The following MALRD1 variants were observed in gnomAD, a reference collection of about 807,000 sequenced individuals.
The protein encoded by MALRD1 is MAM and LDL receptor class A domain containing 1.
MALRD1 carries 247 observed loss-of-function variants against 242.1 expected under a neutral mutation model. That is an observed-to-expected ratio of 1.02 (90% CI 0.92 to 1.13). The LOEUF is 1.13. MALRD1 is among the 50% of genes most tolerant of loss of function. The probability of loss-of-function intolerance (pLI) is 0.00; values close to 1 mark genes in which losing one functional copy is unlikely to be tolerated. For synonymous variants in MALRD1, 995 were observed against 866.6 expected (o/e 1.15, Z -2.60); for missense variants, 2,989 against 2,533.1 (o/e 1.18, Z -3.86).
chr10:19,472,010 AG>A (rs1199544073), intron 29 of MALRD1, among the ~76,000 whole-genome samples: 1 of 151,972 alleles, frequency 6.6e-6, no homozygotes, highest in Non-Finnish European at 1.5e-5. Context: ...CTGATCTTAG[AG>A]GAAAAACATT....
intron 5 of MALRD1, among the ~76,000 whole-genome samples, chr10:19,106,788 A>G (rs762250272): frequency 2.0e-5 from 3 of 151,702 alleles, no homozygotes; most frequent in Non-Finnish European, 4.4e-5. Context: ...CCTCTCTTAG[A>G]ATTGGTTTTG....
intron 28 of MALRD1, among the ~76,000 whole-genome samples, chr10:19,410,603 G>A (rs1833236267): frequency 6.6e-6 from 1 of 151,618 alleles, no homozygotes. Context: ...AGTAGAGGTA[G>A]ACAGAAGCTA....
chr10:19,387,425 T>G (rs1564294921), intron 26 of MALRD1, 103 bp from the exon 27 acceptor site: 2 of 1,355,014 alleles, frequency 1.5e-6, no homozygotes, highest in Admixed American at 5.4e-5. Context: ...AAGAACAATA[T>G]GTTCCTTTAT....
At chr10:19,133,793 A>T in intron 8 of MALRD1, 63 bp from the exon 9 acceptor site, 1 of 644,434 alleles carries the variant, frequency 1.6e-6, no homozygotes. Flanking sequence ...TTAAAAGAGC[A>T]TGTATGTAAA....
chr10:19,417,647 G>A (rs1833561708), intron 28 of MALRD1, among the ~76,000 whole-genome samples: 1 of 152,140 alleles, frequency 6.6e-6, no homozygotes, highest in Non-Finnish European at 1.5e-5. Flanking sequence ...TATATCTTAA[G>A]TCAGCGTATG....
At chr10:19,444,202 C>T (rs1203063402) in intron 28 of MALRD1, among the ~76,000 whole-genome samples, 1 of 152,032 alleles carries the variant, frequency 6.6e-6, no homozygotes, top group Admixed American at 6.6e-5. Context: ...CTATGTGTGT[C>T]TCTGCACATA....
chr10:19,503,138 C>T (rs530264603), intron 31 of MALRD1, among the ~76,000 whole-genome samples: 2 of 152,182 alleles, frequency 1.3e-5, no homozygotes, highest in Non-Finnish European at 2.9e-5. Context: ...ACAGAGTGCT[C>T]TCTTCAAAGC....
chr10:19,615,757 CT>C, intron 35 of MALRD1, 99 bp from the exon 36 acceptor site: 1 of 979,604 alleles, frequency 1.0e-6, no homozygotes, highest in East Asian at 2.7e-5. Context: ...GGAATTTACT[CT>C]TAGAGATTAG....
At chr10:19,271,613 A>G (rs1379309111) in intron 19 of MALRD1, among the ~76,000 whole-genome samples, 2 of 152,076 alleles carry the variant, frequency 1.3e-5, no homozygotes, top group African/African-American at 4.8e-5. Context: ...AACACAAAAA[A>G]CTAGCCAGGT....
intron 38 of MALRD1, among the ~76,000 whole-genome samples, chr10:19,721,384 C>G (rs1330075535): frequency 6.6e-6 from 1 of 152,060 alleles, no homozygotes; most frequent in Non-Finnish European, 1.5e-5. Context: ...TGTGGGACAA[C>G]TCAGATTCAC....
chr10:19,489,936 A>C (rs1837408219), intron 29 of MALRD1, among the ~76,000 whole-genome samples: 1 of 152,160 alleles, frequency 6.6e-6, no homozygotes, highest in Admixed American at 6.5e-5. Flanking sequence ...GTGCTGTGAA[A>C]GGTCAAAAAT....
intron 36 of MALRD1, among the ~76,000 whole-genome samples, chr10:19,642,722 G>A (rs916594747): frequency 6.6e-6 from 1 of 152,182 alleles, no homozygotes; most frequent in African/African-American, 2.4e-5. Flanking sequence ...AAGATCTGAG[G>A]CTTCTGAAAT....
At chr10:19,415,387 A>G (rs1240406068) in intron 28 of MALRD1, among the ~76,000 whole-genome samples, 2 of 152,170 alleles carry the variant, frequency 1.3e-5, no homozygotes, top group African/African-American at 4.8e-5. Flanking sequence ...GAATTATTAG[A>G]CAAAATCAAT....
At chr10:19,428,837 T>C (rs1177852925) in intron 28 of MALRD1, among the ~76,000 whole-genome samples, 1 of 152,208 alleles carries the variant, frequency 6.6e-6, no homozygotes, top group Non-Finnish European at 1.5e-5. Flanking sequence ...GCATAAAATC[T>C]ATTCCAGAGA....
intron 4 of MALRD1, among the ~76,000 whole-genome samples, chr10:19,102,728 G>A (rs1319261179): frequency 2.0e-5 from 3 of 152,098 alleles, no homozygotes; most frequent in Non-Finnish European, 2.9e-5. Flanking sequence ...ATTTTCTATC[G>A]ATTTAGTTAA....
At chr10:19,205,483 A>G (rs1836743074) in intron 17 of MALRD1, among the ~76,000 whole-genome samples, 1 of 151,658 alleles carries the variant, frequency 6.6e-6, no homozygotes. Flanking sequence ...AATGATAAAT[A>G]CAACTACAGA....
intron 26 of MALRD1, among the ~76,000 whole-genome samples, chr10:19,385,429 G>A (rs1403823330): frequency 6.6e-6 from 1 of 151,872 alleles, no homozygotes; most frequent in Non-Finnish European, 1.5e-5. Context: ...ACTCATTATT[G>A]ATCTGTTCAG....
intron 19 of MALRD1, among the ~76,000 whole-genome samples, chr10:19,268,785 C>G (rs970503903): frequency 3.3e-5 from 5 of 152,072 alleles, no homozygotes; most frequent in African/African-American, 1.2e-4. Flanking sequence ...GTTGGAAAAT[C>G]TATTTTACCA....
intron 28 of MALRD1, among the ~76,000 whole-genome samples, chr10:19,443,803 T>C (rs1180170019): frequency 2.0e-5 from 3 of 152,236 alleles, no homozygotes; most frequent in Non-Finnish European, 4.4e-5. Context: ...TTCTGTTGAT[T>C]TGGGATGGAG....
Sources: allele counts gnomAD v4.1 joint callset (sites outside exome capture counted in the v4.1 genomes callset), GRCh38; gene constraint gnomAD v4.1.1; transcripts MANE v1.5; gene names NCBI Gene and HGNC (gene_info 2026-07-23, HGNC 2026-07-21).